RASGRF1: variants seen among roughly 807,000 people sequenced by gnomAD.
RASGRF1 encodes the protein Ras protein specific guanine nucleotide releasing factor 1.
In RASGRF1, 40 loss-of-function variants were observed where a neutral mutation model predicts 138.7. The ratio of observed to expected loss-of-function variants is 0.29; its 90% CI spans 0.22 to 0.38. The LOEUF is 0.38. Ranked by LOEUF, RASGRF1 falls within the 10% of genes least tolerant of loss-of-function variation. The pLI is 1.00. For synonymous variants in RASGRF1, 614 were observed against 663.2 expected, an observed-to-expected ratio of 0.93 and a Z score of 1.14; for missense variants, 1,108 against 1,650.4, an observed-to-expected ratio of 0.67 and a Z score of 5.69.
At chr15:79,012,650 A>G (rs1456759119) in intron 13 of RASGRF1, 13 of 1,411,986 alleles carry the variant, frequency 9.2e-6, no homozygotes, top group Non-Finnish European at 1.2e-5. Context: ...TTTTTCTTTC[A>G]TAGGTGATTT....
intron 24 of RASGRF1, among the ~76,000 whole-genome samples, chr15:78,976,281 C>A (rs2055868612): frequency 6.6e-6 from 1 of 152,156 alleles, no homozygotes. Flanking sequence ...CTATTTACTA[C>A]CTCTATGGCA....
rs1209698134 is a variant in RASGRF1 at position 78,991,809 on chromosome 15, G to A, written c.3028-15C>T. On this transcript the variant is annotated splice_polypyrimidine_tract_variant and intron_variant, in intron 20 of 26. Coordinates refer to ENST00000558480, the MANE Select transcript of RASGRF1 (RefSeq NM_001145648.3). ...ACGCCTTCAGCCTGGTTTTGAGTTG[G>A]GGGAGCAACATTTTGAGTTAGGCCC... 1.2e-6 allele frequency: 2 copies of A among 1,603,548 alleles called. No homozygotes were observed. Among genetic ancestry groups the A allele is most frequent in the East Asian group, 2.2e-5 (1 of 44,668 alleles).
rs758415767 is a variant in RASGRF1 at position 79,072,267 on chromosome 15, CTTTTTTTT to C, written c.277-7749_277-7742del. On this transcript the variant is annotated intron_variant, in intron 1 of 26. Transcript: ENST00000558480. Reference sequence around the variant, plus strand: ...TTTCTGGGAGTTCTTGATAAACAATCTTTTTTTTTTTTTTTTTTTTTTTTTTGAGACGC... The same window carrying C: ...TTTCTGGGAGTTCTTGATAAACAATCTTTTTTTTTTTTTTTTTTGAGACGC... Among the ~76,000 whole-genome samples, 295 of 61,586 alleles carry C rather than the reference CTTTTTTTT, an allele frequency of 4.8e-3. 6 individuals are homozygous for C. Among genetic ancestry groups the C allele is most frequent in the Middle Eastern group, 0.038 (2 of 52 alleles). The allele number at this position is 61,586 out of a possible 152,430, so 40.4% of individuals were successfully genotyped here.
intron 24 of RASGRF1, chr15:78,980,003 T>C (rs1404402069): frequency 6.6e-6 from 1 of 152,268 alleles, no homozygotes; most frequent in African/African-American, 2.4e-5. Context: ...CTAAAGATTC[T>C]ACAATGCACA....
chr15:79,063,687 C>T (rs987024703), intron 2 of RASGRF1, among the ~76,000 whole-genome samples: 1 of 152,162 alleles, frequency 6.6e-6, no homozygotes, highest in Non-Finnish European at 1.5e-5. Flanking sequence ...GACACAGAAA[C>T]ACTATTATCC....
chr15:79,079,644 A>C (rs2057888083), intron 1 of RASGRF1, among the ~76,000 whole-genome samples: 1 of 151,924 alleles, frequency 6.6e-6, no homozygotes, highest in Non-Finnish European at 1.5e-5. Flanking sequence ...TTGCATGTAC[A>C]TGTATATATA....
At chr15:78,991,627 A>G (rs1278544345) in intron 21 of RASGRF1, 64 bp downstream of exon 21, 18 of 1,306,140 alleles carry the variant, frequency 1.4e-5, no homozygotes, top group Non-Finnish European at 2.0e-5. Flanking sequence ...GTGTGCTTCC[A>G]GGGTGCTGTC....
At chr15:79,089,411 C>T (rs2058022743) in intron 1 of RASGRF1, among the ~76,000 whole-genome samples, 2 of 152,348 alleles carry the variant, frequency 1.3e-5, no homozygotes, top group South Asian at 4.1e-4. Context: ...CGCCCGGGCT[C>T]CCTGTTAGAG....
intron 15 of RASGRF1, 58 bp downstream of exon 15, chr15:79,003,744 G>T: frequency 8.5e-6 from 13 of 1,533,422 alleles, no homozygotes; most frequent in Non-Finnish European, 1.1e-5. Context: ...GCTGGGCCAG[G>T]CTGAGCCTCA....
At position 79,050,491 on chromosome 15, in the gene RASGRF1, T is replaced by G. The variant is rs1046160697; in HGVS notation, c.532-903A>C. On this transcript the variant is annotated intron_variant, in intron 3 of 26. Transcript: ENST00000558480. This position sits in a 1 kb window ranked among gnomAD's most constrained non-coding sequence, Gnocchi z 4.1. ...CAGGTGGCTCCGGGTGAAGTCCTGC[T>G]GGCTTGGCGCTTTCCTTCCTGGGCA... 6.6e-6 allele frequency among the ~76,000 whole-genome samples: 1 copy of G among 152,250 alleles called. No homozygotes were observed. Among genetic ancestry groups the G allele is most frequent in the African/African-American group, 2.4e-5 (1 of 41,462 alleles).
Position 78,999,852 on chromosome 15 carries a change from AT to A in RASGRF1, c.2636del (p.Asn879IlefsTer14). The A allele has an allele frequency of 6.2e-7, 1 of 1,614,152 alleles. No homozygotes were observed. The highest frequency in any genetic ancestry group is 8.5e-7 in the Non-Finnish European group (1 of 1,179,988). Reference sequence around the variant, plus strand: ...AGGCGGCCGACAAGGCACTGCGGTTATTGTCCAGTTCACGACAGGAGGTCAT... The same window carrying A: ...AGGCGGCCGACAAGGCACTGCGGTTATGTCCAGTTCACGACAGGAGGTCAT... ...VVMTSCRELDNNRSALSAASA... is the reference protein window; with the variant it reads ...VVMTSCRELDXNRSALSAASA... On this transcript the variant is annotated frameshift_variant, in exon 17 of 27. Transcript: ENST00000558480. LOFTEE classifies it high-confidence loss of function.
chr15:79,006,377 G>A lies in RASGRF1; in HGVS notation c.1884C>T (p.Asn628=). 6.2e-7 allele frequency: 1 copy of A among 1,614,156 alleles called. No homozygotes were observed. Among genetic ancestry groups the A allele is most frequent in the African/African-American group, 1.3e-5 (1 of 75,068 alleles). The part of the protein sequence containing the change: ...DVDIRFSKTM[N]SCKVLQIRYA... ...AGCGGATCTGCAGCACTTTGCAGGA[G>A]TTCATGGTTTTGCTGAAGCGAATGT... is the stretch of plus-strand genomic sequence containing the variant. Residue 628 remains asparagine, a synonymous_variant, in exon 14 of 27, where the codon AAC becomes AAT. Transcript: ENST00000558480. The surrounding 1 kb of genome is among the most constrained non-coding windows in gnomAD (Gnocchi z 4.0).
chr15:78,976,325 T>G (rs1044804748), intron 24 of RASGRF1, among the ~76,000 whole-genome samples: 1 of 152,094 alleles, frequency 6.6e-6, no homozygotes, highest in Non-Finnish European at 1.5e-5. Context: ...CCTGGCCGCA[T>G]TGGAAGAAGA....
chr15:79,058,299 C>T, intron 3 of RASGRF1, 35 bp downstream of exon 3: 2 of 1,601,240 alleles, frequency 1.2e-6, no homozygotes, highest in African/African-American at 1.3e-5. Flanking sequence ...GATGTTGTGC[C>T]TAGGGCCTGG....
Position 79,059,902 on chromosome 15 carries a change from A to T in RASGRF1, c.384-1421T>A, listed in dbSNP as rs76920466. 7.9e-5 allele frequency among the ~76,000 whole-genome samples: 12 copies of T among 152,192 alleles called. No homozygotes were observed. The East Asian group carries it at 1.7e-3, about 22-fold the overall frequency. On this transcript the variant is annotated intron_variant, in intron 2 of 26. Transcript: ENST00000558480. ...TGTAAATAAAAACTAAATTGGGAAT[A>T]TGTAAAAATACTTAATACTCAATAT... is the stretch of plus-strand genomic sequence containing the variant.
chr15:79,064,821 G>T (rs117474366), intron 1 of RASGRF1, among the ~76,000 whole-genome samples: 6 of 152,244 alleles, frequency 3.9e-5, no homozygotes, highest in Non-Finnish European at 5.9e-5. Flanking sequence ...CATCAGGCGC[G>T]CTGGAGGGAA....
At chr15:78,989,961 G>A (rs192287518) in intron 22 of RASGRF1, among the ~76,000 whole-genome samples, 21 of 152,276 alleles carry the variant, frequency 1.4e-4, no homozygotes, top group African/African-American at 4.6e-4. Context: ...AGATGACCAC[G>A]CAGTTAATCC....
rs1394368267 is a variant in RASGRF1, at chr15:78,998,108, G to A, written c.2954C>T (p.Ala985Val). ...GTACTGCCTTTACCTGATGATGTTG[G>A]CTGCAGCCTTCCGCTCCTGGGTCAG... is the stretch of plus-strand genomic sequence containing the variant. ...ELLTQERKAA[A>V]NIIRTLTQED... The change falls in exon 19 of 27, where the codon GCC becomes GTC. Residue 985 changes from alanine to valine, a missense_variant. Ala to Val is a moderately conservative substitution (Grantham distance 64). Transcript: ENST00000558480. The A allele has an allele frequency of 6.2e-7, 1 of 1,613,726 alleles. No individual in the cohort carries two copies. The highest frequency in any genetic ancestry group is 2.2e-5 in the East Asian group (1 of 44,876).
chr15:79,038,813 T>A (rs1378596067), intron 5 of RASGRF1, among the ~76,000 whole-genome samples: 3 of 152,222 alleles, frequency 2.0e-5, no homozygotes, highest in African/African-American at 7.2e-5. Flanking sequence ...ACTCCCAAAC[T>A]GCTTACATAC....
Sources: allele counts gnomAD v4.1 joint callset (sites outside exome capture counted in the v4.1 genomes callset), GRCh38; gene constraint gnomAD v4.1.1; non-coding constraint Gnocchi (gnomAD v3.1); transcripts MANE v1.5; gene names NCBI Gene and HGNC (gene_info 2026-07-23, HGNC 2026-07-21).